SYT14: variants seen among roughly 807,000 people sequenced by gnomAD.
The protein encoded by SYT14 is synaptotagmin 14, also known as synaptotagmin-14.
In SYT14, 32 loss-of-function variants were observed where a neutral mutation model predicts 74.2. The ratio of observed to expected loss-of-function variants is 0.43; its 90% CI spans 0.33 to 0.58. The LOEUF (loss-of-function observed/expected upper bound fraction) is 0.58, where lower values mean the gene tolerates loss of function less well. Among genes scored for constraint, SYT14 ranks in the 20% least tolerant of loss-of-function variants. The pLI is 0.05. For missense variants in SYT14, 791 were observed against 981.8 expected (o/e 0.81, Z 2.60); for synonymous variants, 298 against 337.7 (o/e 0.88, Z 1.29).
rs754100887 is a variant in SYT14 at position 210,067,337 on chromosome 1, C to A, written c.1313-26985C>A. Among the ~76,000 whole-genome samples the A allele has an allele frequency of 3.3e-5, 5 of 151,986 alleles. No homozygotes were observed. In the East Asian group the frequency reaches 9.6e-4, roughly 29 times the overall value. ...AACTTGACAATTTTTACAAAGAATT[C>A]GTCTGAGATCCTTATGGAGATTGTG... On this transcript the variant is annotated intron_variant, in intron 5 of 9. Coordinates refer to ENST00000637265, the Ensembl canonical transcript of SYT14.
At chr1:210,161,867 T>G in exon 10 of SYT14, 1 of 450,880 alleles carries the variant, frequency 2.2e-6, no homozygotes, top group Non-Finnish European at 4.4e-6. Flanking sequence ...AGGACTTTAC[T>G]TTCAAATTTC....
chr1:210,060,750 A>G (rs1362796584), intron 5 of SYT14, among the ~76,000 whole-genome samples: 1 of 151,948 alleles, frequency 6.6e-6, no homozygotes, highest in Non-Finnish European at 1.5e-5. Context: ...TTTTAGGGCA[A>G]TTTTCCATTT....
At chr1:210,164,878 T>C (rs2083439749) in exon 10 of SYT14, 1 of 152,304 alleles carries the variant, frequency 6.6e-6, no homozygotes, top group African/African-American at 2.4e-5. Flanking sequence ...AAGGTAGCTG[T>C]CAGTATTATT....
chr1:210,060,239 T>C (rs2081183789), intron 5 of SYT14, among the ~76,000 whole-genome samples: 1 of 152,124 alleles, frequency 6.6e-6, no homozygotes, highest in African/African-American at 2.4e-5. Context: ...CGTTTCCTTT[T>C]GCACAAATGT....
intron 4 of SYT14, among the ~76,000 whole-genome samples, chr1:210,018,586 AG>A (rs774172843): frequency 1.3e-5 from 2 of 152,224 alleles, no homozygotes; most frequent in Non-Finnish European, 2.9e-5. Flanking sequence ...AATGGATACT[AG>A]TAATAAGTAC....
At chr1:210,038,318 A>G (rs1194390180) in intron 5 of SYT14, among the ~76,000 whole-genome samples, 1 of 152,062 alleles carries the variant, frequency 6.6e-6, no homozygotes, top group Non-Finnish European at 1.5e-5. Context: ...CTTTCCAGAT[A>G]GGTGGGTTTC....
Position 210,131,621 on chromosome 1 carries a change from A to G in SYT14, c.2035-24100A>G, listed in dbSNP as rs571534668. Among the ~76,000 whole-genome samples the G allele has an allele frequency of 3.7e-4, 57 of 152,188 alleles. 1 individual carries two copies. The South Asian group carries it at 5.2e-3, about 14-fold the overall frequency. ...TATACCTATATATTGAAAGCCATGCATTCACATTGAGACTACCAATTTTAA... is the reference window on the plus strand; with the variant it reads ...TATACCTATATATTGAAAGCCATGCGTTCACATTGAGACTACCAATTTTAA... On this transcript the variant is annotated intron_variant, in intron 7 of 9. Transcript: ENST00000637265.
chr1:209,965,753 C>G (rs2079146467), intron 2 of SYT14: 3 of 367,694 alleles, frequency 8.2e-6, no homozygotes, highest in Admixed American at 7.1e-5. Context: ...TCAAAGTTCA[C>G]CTGATATGGA....
At chr1:210,091,887 A>T (rs1364277013) in intron 5 of SYT14, among the ~76,000 whole-genome samples, 1 of 152,172 alleles carries the variant, frequency 6.6e-6, no homozygotes, top group Non-Finnish European at 1.5e-5. Flanking sequence ...TCTGTGCATT[A>T]AGATCTGTGA....
At chr1:210,119,245 A>G (rs2082413915) in intron 7 of SYT14, among the ~76,000 whole-genome samples, 1 of 152,178 alleles carries the variant, frequency 6.6e-6, no homozygotes, top group Non-Finnish European at 1.5e-5. Context: ...ATTTAATGCT[A>G]CTTTTCCAAA....
chr1:210,092,592 T>C (rs1348037587), intron 5 of SYT14, among the ~76,000 whole-genome samples: 1 of 152,206 alleles, frequency 6.6e-6, no homozygotes, highest in Non-Finnish European at 1.5e-5. Context: ...AAACCACTTG[T>C]CTCTTTACTA....
chr1:209,978,224 C>T (rs1022432806), intron 2 of SYT14, among the ~76,000 whole-genome samples: 3 of 152,226 alleles, frequency 2.0e-5, no homozygotes, highest in African/African-American at 7.2e-5. Flanking sequence ...CATTCTCCGT[C>T]CAGCTTTGTT....
chr1:210,085,751 T>C (rs1486706387), intron 5 of SYT14, among the ~76,000 whole-genome samples: 1 of 152,234 alleles, frequency 6.6e-6, no homozygotes, highest in Non-Finnish European at 1.5e-5. Context: ...GATTGTGATA[T>C]GGTACCCTGT....
intron 2 of SYT14, among the ~76,000 whole-genome samples, chr1:209,985,993 C>CA (rs1427238740): frequency 1.3e-5 from 2 of 152,202 alleles, no homozygotes; most frequent in Non-Finnish European, 2.9e-5. Flanking sequence ...TCCTAGGCTT[C>CA]AAGACCTTTG....
chr1:210,050,370 A>G (rs1014290437), intron 5 of SYT14, among the ~76,000 whole-genome samples: 1 of 152,182 alleles, frequency 6.6e-6, no homozygotes, highest in African/African-American at 2.4e-5. Context: ...TGTCCATATC[A>G]CTATCAGCAT....
intron 7 of SYT14, among the ~76,000 whole-genome samples, chr1:210,122,565 C>A (rs1380096395): frequency 1.3e-5 from 2 of 148,242 alleles, no homozygotes; most frequent in South Asian, 2.1e-4. Flanking sequence ...CCAGAGAGTT[C>A]ATTTTTTTTT....
chr1:209,951,575 A>T (rs1452824378), intron 1 of SYT14, among the ~76,000 whole-genome samples: 1 of 152,180 alleles, frequency 6.6e-6, no homozygotes, highest in Non-Finnish European at 1.5e-5. Context: ...CACTTGCCCC[A>T]TAAACCCAGC....
At chr1:210,012,729 T>C (rs553175644) in intron 2 of SYT14, among the ~76,000 whole-genome samples, 4 of 151,110 alleles carry the variant, frequency 2.6e-5, no homozygotes, top group African/African-American at 9.7e-5. Flanking sequence ...TTTGAAACAG[T>C]CTCGCTTTGT....
chr1:209,946,975 G>A lies in SYT14; in HGVS notation c.-533-5734G>A, dbSNP rs1416473465. 3.3e-5 allele frequency among the ~76,000 whole-genome samples: 5 copies of A among 152,264 alleles called. No individual in the cohort carries two copies. The East Asian group carries it at 7.7e-4, about 24-fold the overall frequency. On this transcript the variant is annotated intron_variant, in intron 1 of 9. Coordinates refer to ENST00000637265, the Ensembl canonical transcript of SYT14. ...GTGCTCTGTGTGTGCTCTACAAATA[G>A]AAAACAGAGCCTAAAATTTTGGGGT... is the stretch of plus-strand genomic sequence containing the variant.
Sources: allele counts gnomAD v4.1 joint callset (sites outside exome capture counted in the v4.1 genomes callset), GRCh38; gene constraint gnomAD v4.1.1; transcripts MANE v1.5; gene names NCBI Gene and HGNC (gene_info 2026-07-23, HGNC 2026-07-21).